Variants in AGO2 observed in about 807,000 individuals in gnomAD.
AGO2 encodes the protein protein argonaute-2.
A neutral mutation model predicts 102.3 loss-of-function variants in AGO2; 5 were observed. That is an observed-to-expected ratio of 0.05 (90% confidence interval 0.03 to 0.10). The LOEUF (loss-of-function observed/expected upper bound fraction) is 0.10, where lower values mean the gene tolerates loss of function less well. Among genes scored for constraint, AGO2 ranks in the 10% least tolerant of loss-of-function variants. The pLI is 1.00. For missense variants in AGO2, 541 were observed against 1,183.7 expected (o/e 0.46, Z 7.97); for synonymous variants, 449 against 473.1 (o/e 0.95, Z 0.66).
intron 7 of AGO2, among the ~76,000 whole-genome samples, chr8:140,558,217 TC>T (rs2073133434): frequency 1.3e-5 from 2 of 152,114 alleles, no homozygotes; most frequent in African/African-American, 4.8e-5. Flanking sequence ...AAAAGACCCT[TC>T]TCTCCTCTGT....
At chr8:140,617,333 C>A (rs1353683831) in intron 1 of AGO2, among the ~76,000 whole-genome samples, 1 of 151,930 alleles carries the variant, frequency 6.6e-6, no homozygotes, top group Admixed American at 6.6e-5. Context: ...CTCACTTCAA[C>A]CTCCACCTCC....
At chr8:140,599,822 A>T (rs943007605) in intron 1 of AGO2, among the ~76,000 whole-genome samples, 19 of 152,252 alleles carry the variant, frequency 1.2e-4, no homozygotes, top group African/African-American at 4.6e-4. Flanking sequence ...TCCGGGTTCA[A>T]GCGATCCTCC....
At position 140,611,630 on chromosome 8, in the gene AGO2, G is replaced by A. The variant is rs544569392; in HGVS notation, c.22+23855C>T. 1.8e-4 allele frequency among the ~76,000 whole-genome samples: 27 copies of A among 152,100 alleles called. No individual in the cohort carries two copies. The East Asian group carries it at 4.3e-3, about 24-fold the overall frequency. ...GGCGTGAGCCACTGTGCCTGGCCGT[G>A]CCTGGTCTCTTAAGCCTTTTGAATG... On this transcript the variant is annotated intron_variant, in intron 1 of 18. Coordinates refer to ENST00000220592, the MANE Select transcript of AGO2 (RefSeq NM_012154.5).
At chr8:140,534,976 C>T (rs1284287386) in intron 17 of AGO2, among the ~76,000 whole-genome samples, 1 of 152,242 alleles carries the variant, frequency 6.6e-6, no homozygotes, top group Admixed American at 6.5e-5. Context: ...ACACCATGGC[C>T]ACCTTCTCTG....
rs951417869 is a variant in AGO2 at position 140,589,753 on chromosome 8, C to T, written c.23-4442G>A. On this transcript the variant is annotated intron_variant, in intron 1 of 18. Transcript: ENST00000220592. This position sits in a 1 kb window ranked among gnomAD's most constrained non-coding sequence, Gnocchi z 4.2. ...TCTCTGTGATGCCAGGACAGGATGCCCTGGCCAGGCAATGGCACAGCAGCC... is the reference window on the plus strand; with the variant it reads ...TCTCTGTGATGCCAGGACAGGATGCTCTGGCCAGGCAATGGCACAGCAGCC... Among the ~76,000 whole-genome samples, 2 of 152,070 alleles carry T rather than the reference C, an allele frequency of 1.3e-5. No homozygotes were observed. Among genetic ancestry groups the T allele is most frequent in the Admixed American group, 1.3e-4 (2 of 15,280 alleles).
At chr8:140,595,616 A>T (rs1588489633) in intron 1 of AGO2, among the ~76,000 whole-genome samples, 1 of 6,446 alleles carries the variant, frequency 1.6e-4, no homozygotes, top group South Asian at 3.1e-3. Context: ...TATATATATA[A>T]TATATATATA....
intron 1 of AGO2, among the ~76,000 whole-genome samples, chr8:140,612,972 G>A (rs1311345728): frequency 6.6e-6 from 1 of 151,908 alleles, no homozygotes; most frequent in Non-Finnish European, 1.5e-5. Context: ...GGCCGAGGTG[G>A]GCAGATCACG....
rs2073710871 is a variant in AGO2 at position 140,589,236 on chromosome 8, C to T, written c.23-3925G>A. ...TGGTGCATGAAGAATAAAGTGCAGG[C>T]CTGCCAGGATTCCCCGCAGACGTGT... On this transcript the variant is annotated intron_variant, in intron 1 of 18. Transcript: ENST00000220592. The surrounding 1 kb of genome is among the most constrained non-coding windows in gnomAD (Gnocchi z 4.2). Among the ~76,000 whole-genome samples, 1 of 152,188 alleles carries T rather than the reference C, an allele frequency of 6.6e-6. No homozygotes were observed. Among genetic ancestry groups the T allele is most frequent in the African/African-American group, 2.4e-5 (1 of 41,448 alleles).
intron 1 of AGO2, among the ~76,000 whole-genome samples, chr8:140,625,628 G>GTAT (rs2074266154): frequency 6.6e-6 from 1 of 152,122 alleles, no homozygotes; most frequent in African/African-American, 2.4e-5. Flanking sequence ...CCTTCCAATG[G>GTAT]CATATCCTTT....
chr8:140,563,635 C>T (rs990915608), intron 3 of AGO2, among the ~76,000 whole-genome samples: 4 of 152,212 alleles, frequency 2.6e-5, no homozygotes, highest in African/African-American at 7.2e-5. Context: ...ATCTGGACCC[C>T]GAAGGCCTTC....
intron 1 of AGO2, among the ~76,000 whole-genome samples, chr8:140,594,957 A>T (rs1306587862): frequency 2.0e-5 from 3 of 152,160 alleles, no homozygotes; most frequent in Non-Finnish European, 2.9e-5. Flanking sequence ...AAACTAATGA[A>T]ATCAAAAACT....
At position 140,607,458 on chromosome 8, in the gene AGO2, TTATATATATATATATATATATATATA is replaced by T. The variant is rs1167371585; in HGVS notation, c.23-22173_23-22148del. On this transcript the variant is annotated intron_variant, in intron 1 of 18. Coordinates refer to ENST00000220592, the MANE Select transcript of AGO2 (RefSeq NM_012154.5). ...CTCACCCCCACCTCTTAAAGAAAAA[TTATATATATATATATATATATATATA>T]TATATATATATATATATATATATAT... is the stretch of plus-strand genomic sequence containing the variant. Among the ~76,000 whole-genome samples, 591 of 69,534 alleles carry T rather than the reference TTATATATATATATATATATATATATA, an allele frequency of 8.5e-3. 21 individuals are homozygous for T. Among genetic ancestry groups the T allele is most frequent in the Middle Eastern group, 0.021 (3 of 142 alleles). 45.6% of individuals were successfully genotyped at this position (69,534 alleles called of 152,430 possible). A position where few individuals can be genotyped will look rare whatever the true frequency, so the allele number is the denominator to read the frequency against.
At chr8:140,610,735 AG>A (rs989902920) in intron 1 of AGO2, among the ~76,000 whole-genome samples, 1 of 152,154 alleles carries the variant, frequency 6.6e-6, no homozygotes, top group African/African-American at 2.4e-5. Flanking sequence ...TCTGCACCAG[AG>A]GGGTTGGGAG....
At chr8:140,560,624 C>T (rs1348936164) in intron 4 of AGO2, 114 bp from the exon 5 acceptor site, 2 of 1,299,282 alleles carry the variant, frequency 1.5e-6, no homozygotes, top group Non-Finnish European at 2.1e-6. Context: ...GTTCCGTTTC[C>T]CCTCCTTTTA....
upstream of AGO2, among the ~76,000 whole-genome samples, chr8:140,638,908 G>T (rs1044859094): frequency 3.9e-5 from 6 of 152,042 alleles, no homozygotes; most frequent in Non-Finnish European, 8.8e-5. Flanking sequence ...TTTCTAGACA[G>T]GGTCTCACTC....
At chr8:140,628,790 C>CAATAAT (rs763416400) in intron 1 of AGO2, among the ~76,000 whole-genome samples, 1 of 149,102 alleles carries the variant, frequency 6.7e-6, no homozygotes, top group East Asian at 2.0e-4. Flanking sequence ...GCAACAACAA[C>CAATAAT]AATAATAATA....
intron 12 of AGO2, 104 bp from the exon 13 acceptor site, chr8:140,547,731 C>G: frequency 6.9e-7 from 1 of 1,452,472 alleles, no homozygotes; most frequent in East Asian, 2.4e-5. Flanking sequence ...CTGGCAAGTG[C>G]AGCCATGGCA....
At chr8:140,538,799 T>C (rs1372029716) in intron 16 of AGO2, among the ~76,000 whole-genome samples, 1 of 152,182 alleles carries the variant, frequency 6.6e-6, no homozygotes, top group African/African-American at 2.4e-5. Flanking sequence ...GCCTGTGGGA[T>C]TTATAAATTA....
At chr8:140,600,846 T>C (rs2073923044) in intron 1 of AGO2, among the ~76,000 whole-genome samples, 1 of 151,694 alleles carries the variant, frequency 6.6e-6, no homozygotes, top group African/African-American at 2.4e-5. Flanking sequence ...CAAGACCCCG[T>C]AGGATTGACG....
Sources: allele counts gnomAD v4.1 joint callset (sites outside exome capture counted in the v4.1 genomes callset), GRCh38; gene constraint gnomAD v4.1.1; non-coding constraint Gnocchi (gnomAD v3.1); transcripts MANE v1.5; gene names NCBI Gene and HGNC (gene_info 2026-07-23, HGNC 2026-07-21).